Variants in TLCD4 observed in about 807,000 individuals in gnomAD.
The protein encoded by TLCD4 is TLC domain-containing protein 4.
Under a neutral mutation model 24.2 loss-of-function variants are expected in TLCD4, and 7 were observed. The ratio of observed to expected loss-of-function variants is 0.29; its 90% CI spans 0.16 to 0.54. The LOEUF is 0.54. Among genes scored for constraint, TLCD4 ranks in the 20% least tolerant of loss-of-function variants. The pLI, the probability that TLCD4 is intolerant of heterozygous loss-of-function variation, is 0.95. For synonymous variants in TLCD4, 103 were observed against 106.4 expected (o/e 0.97, Z 0.20); for missense variants, 259 against 313.9 (o/e 0.82, Z 1.32).
chr1:95,104,663 C>CAAAAAA, the TLCD4 span, among the ~76,000 whole-genome samples: 24 of 40,620 alleles, frequency 5.9e-4, 2 homozygotes, highest in Non-Finnish European at 9.2e-4. Flanking sequence ...GACTCCGTCT[C>CAAAAAA]AAAAAAAAAA....
At chr1:95,123,373 G>A (rs1676622971) in intron 1 of TLCD4, among the ~76,000 whole-genome samples, 1 of 152,186 alleles carries the variant, frequency 6.6e-6, no homozygotes, top group African/African-American at 2.4e-5. Flanking sequence ...GAAAGGGTGA[G>A]GCCAAGAGGA....
intron 1 of TLCD4, among the ~76,000 whole-genome samples, chr1:95,123,859 C>G (rs892690963): frequency 6.6e-6 from 1 of 152,158 alleles, no homozygotes; most frequent in African/African-American, 2.4e-5. Flanking sequence ...TACTGTATAT[C>G]TTTTCAAACT....
intron 6 of TLCD4, among the ~76,000 whole-genome samples, chr1:95,189,477 G>A (rs1328952736): frequency 6.6e-6 from 1 of 152,152 alleles, no homozygotes; most frequent in Non-Finnish European, 1.5e-5. Context: ...AGTGCATAAT[G>A]TCATGTATCC....
intron 1 of TLCD4, among the ~76,000 whole-genome samples, chr1:95,136,198 A>C (rs772528259): frequency 2.0e-5 from 3 of 152,164 alleles, no homozygotes; most frequent in African/African-American, 7.2e-5. Context: ...TGCTTGATCA[A>C]AAGATGCACT....
chr1:95,120,684 A>C (rs1176693644), intron 1 of TLCD4, among the ~76,000 whole-genome samples: 1 of 152,218 alleles, frequency 6.6e-6, no homozygotes, highest in African/African-American at 2.4e-5. Context: ...GTGGAGTTTG[A>C]GTAGGTGGAC....
intron 5 of TLCD4, among the ~76,000 whole-genome samples, chr1:95,168,205 A>G (rs374678465): frequency 6.6e-6 from 1 of 152,232 alleles, no homozygotes; most frequent in Admixed American, 6.5e-5. Context: ...AGAGGAGTTC[A>G]GTAATAGGCA....
At chr1:95,137,918 G>C (rs1231146311) in intron 1 of TLCD4, among the ~76,000 whole-genome samples, 1 of 151,914 alleles carries the variant, frequency 6.6e-6, no homozygotes, top group African/African-American at 2.4e-5. Context: ...TCTATTTTTT[G>C]TAGAGACGGG....
At chr1:95,142,688 A>G (rs1327793228) in intron 1 of TLCD4, among the ~76,000 whole-genome samples, 1 of 152,120 alleles carries the variant, frequency 6.6e-6, no homozygotes, top group Non-Finnish European at 1.5e-5. Flanking sequence ...GTGGTGCCTC[A>G]CGCCTGTAAT....
chr1:95,141,689 T>G (rs1213947523), intron 1 of TLCD4, among the ~76,000 whole-genome samples: 1 of 152,046 alleles, frequency 6.6e-6, no homozygotes, highest in South Asian at 2.1e-4. Context: ...AAATTAAAAT[T>G]TTAATACCCA....
upstream of TLCD4, among the ~76,000 whole-genome samples, chr1:95,113,108 T>C (rs1557673161): frequency 6.6e-6 from 1 of 151,446 alleles, no homozygotes. Flanking sequence ...AGTGGCGCGA[T>C]CTCGGCTCAC....
At position 95,151,427 on chromosome 1, in the gene TLCD4, C is replaced by G; in HGVS notation, c.399+8C>G. On this transcript the variant is annotated splice_region_variant and intron_variant, in intron 5 of 6. Transcript: ENST00000370203. ...GCATACTACCTTGTACTGGTGAGTT[C>G]CAGGATTTTCTGTAGCCTAACTAGC... The G allele has an allele frequency of 1.2e-6, 2 of 1,609,484 alleles. No homozygotes were observed. The highest frequency in any genetic ancestry group is 1.7e-6 in the Non-Finnish European group (2 of 1,177,766).
chr1:95,142,649 G>T (rs1002453004), intron 1 of TLCD4, among the ~76,000 whole-genome samples: 5 of 152,064 alleles, frequency 3.3e-5, no homozygotes, highest in African/African-American at 1.2e-4. Flanking sequence ...CCATGCAAAT[G>T]AAGTAGTGGC....
At chr1:95,133,374 T>TA (rs1267787934) in intron 1 of TLCD4, among the ~76,000 whole-genome samples, 1 of 121,560 alleles carries the variant, frequency 8.2e-6, no homozygotes, top group African/African-American at 3.9e-5. Flanking sequence ...CCCTAAAACT[T>TA]AAAGTATAAT....
At chr1:95,105,021 C>T in the TLCD4 span, among the ~76,000 whole-genome samples, 3 of 151,636 alleles carry the variant, frequency 2.0e-5, no homozygotes, top group Non-Finnish European at 4.4e-5. Context: ...GACTCTGACT[C>T]AATAACAATA....
chr1:95,184,037 T>C (rs1678744502), intron 6 of TLCD4, among the ~76,000 whole-genome samples: 1 of 152,162 alleles, frequency 6.6e-6, no homozygotes, highest in South Asian at 2.1e-4. Flanking sequence ...AATACAAATG[T>C]TTACATGCCT....
chr1:95,151,725 C>T (rs917926887), intron 5 of TLCD4, among the ~76,000 whole-genome samples: 1 of 152,072 alleles, frequency 6.6e-6, no homozygotes, highest in Non-Finnish European at 1.5e-5. Flanking sequence ...GTCTGTATTT[C>T]TAGATGCATT....
chr1:95,123,643 T>TA (rs1676629363), intron 1 of TLCD4, among the ~76,000 whole-genome samples: 1 of 152,214 alleles, frequency 6.6e-6, no homozygotes, highest in Non-Finnish European at 1.5e-5. Context: ...GTTTTGGGGG[T>TA]AAGGCCCTCC....
intron 1 of TLCD4, among the ~76,000 whole-genome samples, chr1:95,143,378 G>GT (rs1677257896): frequency 6.6e-6 from 1 of 152,012 alleles, no homozygotes; most frequent in African/African-American, 2.4e-5. Flanking sequence ...TTTAAATGTT[G>GT]TTTGTCCTGC....
chr1:95,151,239 G>A, intron 4 of TLCD4, 86 bp from the exon 5 acceptor site: 4 of 1,345,404 alleles, frequency 3.0e-6, no homozygotes, highest in Admixed American at 1.9e-5. Flanking sequence ...ACAGTGATGA[G>A]TTGGCAGGAG....
Sources: allele counts gnomAD v4.1 joint callset (sites outside exome capture counted in the v4.1 genomes callset), GRCh38; gene constraint gnomAD v4.1.1; transcripts MANE v1.5; gene names NCBI Gene and HGNC (gene_info 2026-07-23, HGNC 2026-07-21).